The following NIPBL variants were observed in gnomAD, a reference collection of about 807,000 sequenced individuals.
NIPBL encodes nipped-B-like protein.
NIPBL carries 19 observed loss-of-function variants against 321.8 expected under a neutral mutation model. The observed-to-expected ratio is 0.06, with a 90% CI of 0.04 to 0.09. The LOEUF (loss-of-function observed/expected upper bound fraction) is 0.09. NIPBL is among the 10% of genes least tolerant of loss of function. The pLI is 1.00. For synonymous variants in NIPBL, 1,106 were observed against 1,114.1 expected (o/e 0.99, Z 0.14); for missense variants, 2,210 against 3,327.0 (o/e 0.66, Z 8.26).
chr5:37,051,467 T>G (rs887433425), intron 40 of NIPBL: 1 of 342,874 alleles, frequency 2.9e-6, no homozygotes, highest in African/African-American at 2.1e-5. Flanking sequence ...ATTATACATT[T>G]GTAGTCTATA....
chr5:36,958,876 C>G (rs1478929847), intron 4 of NIPBL, among the ~76,000 whole-genome samples: 1 of 152,138 alleles, frequency 6.6e-6, no homozygotes, highest in Non-Finnish European at 1.5e-5. Flanking sequence ...TGGACAACTT[C>G]AGAAAGTTCA....
In NIPBL at chr5:37,020,655, C is replaced by T. The variant is rs774062619; in HGVS notation, c.5207C>T (p.Ser1736Phe). The T allele has an allele frequency of 3.1e-6, 5 of 1,613,762 alleles. No homozygotes were observed. In the East Asian group the frequency reaches 6.7e-5, roughly 22 times the overall value. ...FLRSIIKTTP[S>F]QFSTLKMNSD... ...AGAAGCATTATCAAAACCACACCTT[C>T]TCAGTTTAGCACATTAAAGTAAGAT... Residue 1736 changes from serine to phenylalanine, a missense_variant, in exon 26 of 47, where the codon TCT (serine) becomes TTT (phenylalanine). Ser to Phe is a radical substitution (Grantham distance 155, BLOSUM62 -2). Coordinates refer to ENST00000282516, the MANE Select transcript of NIPBL (RefSeq NM_133433.4).
intron 22 of NIPBL, among the ~76,000 whole-genome samples, chr5:37,015,187 G>C (rs534540270): frequency 6.6e-6 from 1 of 151,534 alleles, no homozygotes; most frequent in Non-Finnish European, 1.5e-5. Context: ...GCAATGGCAC[G>C]ATCTCAGCTA....
chr5:36,905,117 A>G (rs1049418957), intron 1 of NIPBL, among the ~76,000 whole-genome samples: 2 of 152,080 alleles, frequency 1.3e-5, no homozygotes, highest in African/African-American at 2.4e-5. Context: ...TGGTTTTACA[A>G]CTTTTAATGC....
At chr5:36,887,465 G>C (rs184463674) in intron 1 of NIPBL, among the ~76,000 whole-genome samples, 1 of 152,186 alleles carries the variant, frequency 6.6e-6, no homozygotes, top group Non-Finnish European at 1.5e-5. Context: ...ATTGGGGGCA[G>C]ATAATGAGAA....
intron 38 of NIPBL, 151 bp from the exon 39 acceptor site, chr5:37,048,351 C>A: frequency 2.8e-6 from 1 of 361,234 alleles, no homozygotes; most frequent in Non-Finnish European, 4.8e-6. Flanking sequence ...TAATGCTTCT[C>A]TAGGTAAGGC....
intron 23 of NIPBL, among the ~76,000 whole-genome samples, chr5:37,016,530 G>C (rs575742668): frequency 6.6e-6 from 1 of 151,948 alleles, no homozygotes; most frequent in African/African-American, 2.4e-5. Flanking sequence ...TTCTACAAAT[G>C]TATGGCATTT....
chr5:37,019,834 G>A (rs1228053546), intron 25 of NIPBL, among the ~76,000 whole-genome samples: 1 of 152,084 alleles, frequency 6.6e-6, no homozygotes, highest in Non-Finnish European at 1.5e-5. Context: ...TAGTATAAGA[G>A]GTTCATGTAC....
Position 37,007,379 on chromosome 5 carries a change from G to C in NIPBL, c.4144G>C (p.Val1382Leu). The change falls in exon 18 of 47, where the codon GTA (valine) becomes CTA (leucine). Residue 1382 changes from valine (V) to leucine (L), a missense_variant. Transcript: ENST00000282516. Reference sequence around the variant, plus strand: ...TAAATGTTCTACCCATAAGCAGAGAGTAATAGTAATGCTTTATAACAAAGT... The same window carrying C: ...TAAATGTTCTACCCATAAGCAGAGACTAATAGTAATGCTTTATAACAAAGT... ...RAKCSTHKQR[V>L]IVMLYNKVCD... The C allele has an allele frequency of 6.2e-7, 1 of 1,611,606 alleles. No homozygotes were observed. The highest frequency in any genetic ancestry group is 8.5e-7 in the Non-Finnish European group (1 of 1,178,216).
chr5:36,953,820 G>A, intron 2 of NIPBL, 60 bp downstream of exon 2: 1 of 1,358,640 alleles, frequency 7.4e-7, no homozygotes, highest in South Asian at 1.2e-5. Context: ...AATTTTTACA[G>A]TGACTGTTCT....
At chr5:36,904,150 A>G (rs1452498967) in intron 1 of NIPBL, among the ~76,000 whole-genome samples, 1 of 152,196 alleles carries the variant, frequency 6.6e-6, no homozygotes, top group Non-Finnish European at 1.5e-5. Flanking sequence ...TATTTAGTGT[A>G]CTGTAGATAA....
chr5:37,040,679 A>G (rs115955499), intron 34 of NIPBL, among the ~76,000 whole-genome samples: 307 of 152,320 alleles, frequency 2.0e-3, no homozygotes, highest in African/African-American at 7.1e-3. Flanking sequence ...TTAAATACCT[A>G]AGTACTGGTG....
chr5:37,006,521 T>C lies in NIPBL; in HGVS notation c.4020T>C (p.Thr1340=), dbSNP rs758279525. ...EDVIERVIQY[T]KFHLQNTLYP... ...TAATTGAAAGAGTTATACAGTACAC[T>C]AAATTTCATTTGCAGAATACACTTT... Residue 1340 remains threonine, a synonymous_variant, in exon 17 of 47, where the codon ACT becomes ACC. Transcript: ENST00000282516. 8 of 1,611,882 alleles carry C rather than the reference T, an allele frequency of 5.0e-6. No homozygotes were observed. In the Admixed American group the frequency reaches 5.0e-5, roughly 10 times the overall value.
At chr5:36,955,688 C>A (rs1396407007) in intron 3 of NIPBL, 51 bp downstream of exon 3, 2 of 1,440,734 alleles carry the variant, frequency 1.4e-6, no homozygotes, top group South Asian at 1.1e-5. Flanking sequence ...TTTGGCCTTA[C>A]TAAGAGAATC....
At chr5:37,006,113 T>A (rs948273553) in intron 16 of NIPBL, among the ~76,000 whole-genome samples, 2 of 152,088 alleles carry the variant, frequency 1.3e-5, no homozygotes, top group African/African-American at 4.8e-5. Context: ...AAGATAATTA[T>A]AACTTTGTCA....
At chr5:37,039,552 T>C (rs1225599047) in intron 34 of NIPBL, among the ~76,000 whole-genome samples, 1 of 152,046 alleles carries the variant, frequency 6.6e-6, no homozygotes, top group African/African-American at 2.4e-5. Context: ...ATTATCTCTG[T>C]TTTACAGATA....
At chr5:37,053,884 A>C (rs1753821203) in intron 42 of NIPBL, among the ~76,000 whole-genome samples, 1 of 152,214 alleles carries the variant, frequency 6.6e-6, no homozygotes, top group Non-Finnish European at 1.5e-5. Context: ...GCATGAACCT[A>C]TGTGTATAGC....
chr5:37,036,661 A>G (rs558112733), intron 33 of NIPBL, among the ~76,000 whole-genome samples, 174 bp downstream of exon 33: 1 of 150,676 alleles, frequency 6.6e-6, no homozygotes, highest in Non-Finnish European at 1.5e-5. Context: ...ATCCTAGATT[A>G]TATTAAGATT....
intron 22 of NIPBL, 25 bp downstream of exon 22, chr5:37,014,790 G>T (rs745712664): frequency 1.4e-6 from 2 of 1,403,582 alleles, no homozygotes; most frequent in East Asian, 2.3e-5. Context: ...TATAAATCTG[G>T]TTTTTCTTTT....
Sources: gnomAD v4.1 joint callset for allele counts (sites outside exome capture counted in the v4.1 genomes callset) on GRCh38, gnomAD v4.1.1 for gene constraint, MANE v1.5 for transcripts, NCBI Gene and HGNC (gene_info 2026-07-23, HGNC 2026-07-21) for gene names.